Variants in FBLIM1 observed in about 807,000 individuals in gnomAD.
FBLIM1 encodes the protein filamin-binding LIM protein 1.
Under a neutral mutation model 37.4 loss-of-function variants are expected in FBLIM1, and 29 were observed. The ratio of observed to expected loss-of-function variants is 0.77; its 90% CI spans 0.58 to 1.06. The LOEUF is 1.06. Among genes scored for constraint, FBLIM1 ranks in the 50% least tolerant of loss-of-function variants. The pLI is 0.00. For synonymous variants in FBLIM1, 193 were observed against 199.0 expected (o/e 0.97, Z 0.25); for missense variants, 449 against 505.6 (o/e 0.89, Z 1.07).
At position 15,768,598 on chromosome 1, in the gene FBLIM1, C is replaced by T. The variant is rs139329282; in HGVS notation, c.509C>T (p.Pro170Leu). The change falls in exon 5 of 9, where the codon CCG (proline) becomes CTG (leucine). Residue 170 changes from proline (P) to leucine (L), a missense_variant. By Grantham distance (98) the Pro-to-Leu change is moderately conservative. Transcript: ENST00000375766. The part of the protein sequence containing the change: ...RPMEEELPPP[P>L]AEPVEKGAST... ...ATGGAGGAAGAGCTGCCACCTCCCC[C>T]GGCAGAACCTGTTGAGAAAGGGGCA... 249 of 1,611,992 alleles carry T rather than the reference C, an allele frequency of 1.5e-4. 2 individuals are homozygous for T. The African/African-American group carries it at 2.6e-3, about 17-fold the overall frequency.
intron 1 of FBLIM1, among the ~76,000 whole-genome samples, chr1:15,763,527 TC>T (rs1303261970): frequency 6.8e-6 from 1 of 147,394 alleles, no homozygotes; most frequent in Non-Finnish European, 1.5e-5. Context: ...TCCCAGCTAC[TC>T]GGGAGGCTGA....
intron 4 of FBLIM1, among the ~76,000 whole-genome samples, chr1:15,768,000 T>C (rs2069008905): frequency 6.6e-6 from 1 of 152,244 alleles, no homozygotes; most frequent in African/African-American, 2.4e-5. Context: ...TCTCCTGCCA[T>C]AGTCTCCTGA....
chr1:15,770,877 C>T (rs1450175781), intron 6 of FBLIM1, among the ~76,000 whole-genome samples: 2 of 152,188 alleles, frequency 1.3e-5, no homozygotes, highest in Non-Finnish European at 2.9e-5. Flanking sequence ...GGTGTGCTGT[C>T]TGGAGGCTTG....
rs567781221 is a variant in FBLIM1 at position 15,768,127 on chromosome 1, C to G, written c.439-401C>G. On this transcript the variant is annotated intron_variant, in intron 4 of 8. Transcript: ENST00000375766. ...CAGACTACTTACCTCACGTGATCCG[C>G]ATGGCTCGGCCTCCCAAAGTGCTGG... Among the ~76,000 whole-genome samples the G allele has an allele frequency of 2.0e-5, 3 of 152,310 alleles. No individual in the cohort carries two copies. The South Asian group carries it at 6.2e-4, about 32-fold the overall frequency.
chr1:15,778,798 G>A (rs1410797346), intron 8 of FBLIM1, among the ~76,000 whole-genome samples: 3 of 151,862 alleles, frequency 2.0e-5, no homozygotes, highest in South Asian at 2.1e-4. Context: ...GCACCACCAC[G>A]CCCAGCTAAT....
intron 8 of FBLIM1, among the ~76,000 whole-genome samples, chr1:15,781,063 A>T (rs1047081848): frequency 9.2e-5 from 14 of 152,012 alleles, no homozygotes; most frequent in African/African-American, 3.4e-4. Context: ...TCCAGCAGTT[A>T]TGTGTCAGAA....
intron 3 of FBLIM1, among the ~76,000 whole-genome samples, chr1:15,766,020 C>CT (rs1215635836): frequency 1.3e-5 from 2 of 152,220 alleles, no homozygotes; most frequent in Non-Finnish European, 2.9e-5. Flanking sequence ...AACACAGTCA[C>CT]TGGGTCCATT....
Position 15,782,562 on chromosome 1 carries a change from A to C in FBLIM1, c.1009-1986A>C, listed in dbSNP as rs527552062. ...TGGTGGTAGATAAGGTGTTTCTTCC[A>C]ATTGGTTCTAATTTAGGAGGGGTCT... is the stretch of plus-strand genomic sequence containing the variant. On this transcript the variant is annotated intron_variant, in intron 8 of 8. Transcript: ENST00000375766. Among the ~76,000 whole-genome samples, 137 of 152,106 alleles carry C rather than the reference A, an allele frequency of 9.0e-4. 1 individual carries two copies. Among genetic ancestry groups the C allele is most frequent in the Non-Finnish European group, 1.7e-3 (116 of 67,978 alleles).
intron 5 of FBLIM1, among the ~76,000 whole-genome samples, chr1:15,769,081 C>T (rs1029198333): frequency 1.3e-5 from 2 of 152,210 alleles, no homozygotes; most frequent in African/African-American, 2.4e-5. Flanking sequence ...TATGTGTCCA[C>T]CTGCTCCCTC....
In FBLIM1 at chr1:15,784,734, A is replaced by C. The variant is rs1569889465; in HGVS notation, c.*73A>C. On this transcript the variant is annotated 3_prime_UTR_variant, in exon 9 of 9. Coordinates refer to ENST00000375766, the MANE Select transcript of FBLIM1 (RefSeq NM_017556.4). ...TTCCCTGACTTGGTTTCCCTTCCTA[A>C]CCTGCTCTTGCACACTTTCCTTCTG... The C allele has an allele frequency of 1.5e-6, 2 of 1,323,446 alleles. No individual in the cohort carries two copies. Among genetic ancestry groups the C allele is most frequent in the African/African-American group, 1.4e-5 (1 of 69,352 alleles). The allele number at this position is 1,323,446 out of a possible 1,614,324, so 82.0% of individuals were successfully genotyped here.
rs533307057 is a variant in FBLIM1, at chr1:15,765,614, A to T, written c.250+381A>T. On this transcript the variant is annotated intron_variant, in intron 3 of 8. Coordinates refer to ENST00000375766, the MANE Select transcript of FBLIM1 (RefSeq NM_017556.4). This position sits in a 1 kb window ranked among gnomAD's most constrained non-coding sequence, Gnocchi z 5.9. ...GGTTCAGTCTCCCTGAAGTGAGATAAGTTTTAGGTGACCAGCTTGGTCATG... is the reference window on the plus strand; with the variant it reads ...GGTTCAGTCTCCCTGAAGTGAGATATGTTTTAGGTGACCAGCTTGGTCATG... Among the ~76,000 whole-genome samples the T allele has an allele frequency of 6.6e-6, 1 of 152,090 alleles. No individual in the cohort carries two copies. Among genetic ancestry groups the T allele is most frequent in the African/African-American group, 2.4e-5 (1 of 41,470 alleles).
chr1:15,773,108 T>C (rs746495580), intron 6 of FBLIM1, among the ~76,000 whole-genome samples: 1 of 152,020 alleles, frequency 6.6e-6, no homozygotes, highest in Non-Finnish European at 1.5e-5. Context: ...AAGCATCATA[T>C]AAAATTATGT....
chr1:15,784,136 G>A (rs1158183832), intron 8 of FBLIM1, among the ~76,000 whole-genome samples: 9 of 152,200 alleles, frequency 5.9e-5, no homozygotes, highest in African/African-American at 9.6e-5. Flanking sequence ...AGCCAAGATC[G>A]TGCCACTGCA....
At chr1:15,780,603 T>A (rs2069611340) in intron 8 of FBLIM1, among the ~76,000 whole-genome samples, 1 of 152,152 alleles carries the variant, frequency 6.6e-6, no homozygotes, top group Non-Finnish European at 1.5e-5. Flanking sequence ...CTCCCACCCC[T>A]TCTACAGCTG....
chr1:15,770,479 C>G lies in FBLIM1; in HGVS notation c.612C>G (p.Tyr204Ter). Residue 204 changes from tyrosine to a stop codon, truncating the protein, a stop_gained, in exon 6 of 9, where the codon TAC becomes TAG. Transcript: ENST00000375766. LOFTEE classifies it high-confidence loss of function. The stretch of plus-strand genomic sequence containing the variant: ...CTGTGGAGGCCATGAAGAGGCAGTA[C>G]CATGCCCAGTGCTTCACGTGCCGCA... Reference protein sequence around the residue: ...ELAVEAMKRQYHAQCFTCRTC... With the variant: ...ELAVEAMKRQ 1 of 1,613,798 alleles carries G rather than the reference C, an allele frequency of 6.2e-7. No homozygotes were observed. The highest frequency in any genetic ancestry group is 8.5e-7 in the Non-Finnish European group (1 of 1,179,986).
rs1392396023 is a variant in FBLIM1, at chr1:15,767,497, A to C, written c.372A>C (p.Pro124=). ...CTTCTGAAGAGGAGGCTCCTGCTCCAATGGGGGCCTCACTCATTGCAGACT... is the reference window on the plus strand; with the variant it reads ...CTTCTGAAGAGGAGGCTCCTGCTCCCATGGGGGCCTCACTCATTGCAGACT... ...LLPSEEEAPA[P]MGASLIADLE... Residue 124 remains proline, a synonymous_variant, in exon 4 of 9, where the codon CCA becomes CCC. Transcript: ENST00000375766. 2 of 1,297,260 alleles carry C rather than the reference A, an allele frequency of 1.5e-6. No individual in the cohort carries two copies. The highest frequency in any genetic ancestry group is 2.0e-6 in the Non-Finnish European group (2 of 1,008,290). The allele number at this position is 1,297,260 out of a possible 1,614,324, so 80.4% of individuals were successfully genotyped here.
chr1:15,782,291 C>G (rs1270293016), intron 8 of FBLIM1, among the ~76,000 whole-genome samples: 1 of 151,720 alleles, frequency 6.6e-6, no homozygotes, highest in African/African-American at 2.4e-5. Flanking sequence ...GTCTGTAGTT[C>G]CAGCTACTCT....
At chr1:15,776,332 C>T (rs918189280) in intron 7 of FBLIM1, among the ~76,000 whole-genome samples, 1 of 152,120 alleles carries the variant, frequency 6.6e-6, no homozygotes, top group Non-Finnish European at 1.5e-5. Flanking sequence ...TGTTTTACCA[C>T]CCAAGGCACA....
At position 15,767,559 on chromosome 1, in the gene FBLIM1, C is replaced by CCCCCGG; in HGVS notation, c.434_435insCCCCGG (p.Pro145_Gln146insProGly). 8.3e-7 allele frequency: 1 copy of CCCCCGG among 1,210,374 alleles called. No individual in the cohort carries two copies. The highest frequency in any genetic ancestry group is 1.1e-6 in the Non-Finnish European group (1 of 889,330). 75.0% of individuals were successfully genotyped at this position (1,210,374 alleles called of 1,614,324 possible). A position where few individuals can be genotyped will look rare whatever the true frequency, so the allele number is the denominator to read the frequency against. On this transcript the variant is annotated inframe_insertion, in exon 4 of 9. Transcript: ENST00000375766. ...CACCTGTCCCCGCCCCCGCCCCCAC[C>CCCCCGG]ACAGGTACTGCCTGCCCCCCGACCC... is the stretch of plus-strand genomic sequence containing the variant.
Sources: gnomAD v4.1 joint callset for allele counts (sites outside exome capture counted in the v4.1 genomes callset) on GRCh38, gnomAD v4.1.1 for gene constraint, Gnocchi (gnomAD v3.1) non-coding constraint, MANE v1.5 for transcripts, NCBI Gene and HGNC (gene_info 2026-07-23, HGNC 2026-07-21) for gene names.